The following DOCK4 variants were observed in gnomAD, a reference collection of about 807,000 sequenced individuals.
The protein encoded by DOCK4 is dedicator of cytokinesis protein 4.
DOCK4 carries 97 observed loss-of-function variants against 268.1 expected under a neutral mutation model. That is an observed-to-expected ratio of 0.36 (90% confidence interval 0.31 to 0.43). The LOEUF (loss-of-function observed/expected upper bound fraction) is 0.43, where lower values mean the gene tolerates loss of function less well. DOCK4 is among the 20% of genes least tolerant of loss of function. The pLI is 1.00. For missense variants in DOCK4, 2,145 were observed against 2,455.7 expected (o/e 0.87, Z 2.67); for synonymous variants, 954 against 887.2 (o/e 1.08, Z -1.34).
intron 37 of DOCK4, among the ~76,000 whole-genome samples, chr7:111,767,906 T>C (rs1406287680): frequency 1.3e-5 from 2 of 152,080 alleles, no homozygotes; most frequent in Non-Finnish European, 2.9e-5. Flanking sequence ...CTAGTATAGG[T>C]GTCAGCAAAC....
intron 1 of DOCK4, among the ~76,000 whole-genome samples, chr7:112,054,092 C>T (rs768716461): frequency 6.6e-6 from 1 of 152,052 alleles, no homozygotes; most frequent in Admixed American, 6.6e-5. Context: ...GAGGCCAAGG[C>T]GAGAGGATCA....
At chr7:112,001,420 T>C (rs1800412663) in intron 2 of DOCK4, among the ~76,000 whole-genome samples, 1 of 152,110 alleles carries the variant, frequency 6.6e-6, no homozygotes, top group South Asian at 2.1e-4. Flanking sequence ...TACCCACCCA[T>C]TAGTTATTTA....
At chr7:111,889,925 C>A (rs1039332259) in intron 16 of DOCK4, among the ~76,000 whole-genome samples, 1 of 152,216 alleles carries the variant, frequency 6.6e-6, no homozygotes, top group Non-Finnish European at 1.5e-5. Flanking sequence ...TTGAGTTGGG[C>A]ACTTCTGCCA....
At chr7:111,819,466 T>C (rs1801815704) in intron 27 of DOCK4, 1 of 152,138 alleles carries the variant, frequency 6.6e-6, no homozygotes, top group African/African-American at 2.4e-5. Context: ...AGAGAAGAAA[T>C]GCTTCTTGCC....
chr7:111,757,730 C>G (rs1797126596), intron 41 of DOCK4, among the ~76,000 whole-genome samples: 1 of 152,180 alleles, frequency 6.6e-6, no homozygotes, highest in African/African-American at 2.4e-5. Context: ...TGGGAACTGA[C>G]ACCGGCAGAG....
intron 15 of DOCK4, among the ~76,000 whole-genome samples, chr7:111,896,222 G>A (rs1808736147): frequency 2.0e-5 from 3 of 152,288 alleles, no homozygotes; most frequent in African/African-American, 7.2e-5. Context: ...CGTAAGGAAA[G>A]TAAGTCCTGT....
intron 1 of DOCK4, among the ~76,000 whole-genome samples, chr7:112,091,976 G>A (rs1381302288): frequency 6.6e-6 from 1 of 152,138 alleles, no homozygotes; most frequent in Non-Finnish European, 1.5e-5. Flanking sequence ...TACCAGGTGT[G>A]ATGCTCTCAC....
chr7:112,088,947 T>G (rs535137417), intron 1 of DOCK4, among the ~76,000 whole-genome samples: 1 of 152,268 alleles, frequency 6.6e-6, no homozygotes, highest in Admixed American at 6.5e-5. Flanking sequence ...AAGTGCTCAA[T>G]ACGTTGTCAA....
intron 1 of DOCK4, among the ~76,000 whole-genome samples, chr7:112,103,173 G>C (rs1335966339): frequency 5.3e-5 from 8 of 151,690 alleles, no homozygotes; most frequent in Non-Finnish European, 1.2e-4. Flanking sequence ...ATGAATCACT[G>C]TTTATCATTT....
intron 1 of DOCK4, among the ~76,000 whole-genome samples, chr7:112,060,913 T>A (rs183144250): frequency 6.6e-6 from 1 of 152,190 alleles, no homozygotes; most frequent in Non-Finnish European, 1.5e-5. Context: ...CACAACACTA[T>A]GAATGTACTT....
rs557236935 is a variant in DOCK4 at position 112,119,548 on chromosome 7, C to G, written c.37+86554G>C. Among the ~76,000 whole-genome samples, 14 of 152,246 alleles carry G rather than the reference C, an allele frequency of 9.2e-5. No homozygotes were observed. In the East Asian group the frequency reaches 2.7e-3, roughly 29 times the overall value. On this transcript the variant is annotated intron_variant, in intron 1 of 52. Coordinates refer to ENST00000428084, the MANE Select transcript of DOCK4 (RefSeq NM_001363540.2). Reference sequence around the variant, plus strand: ...GATTGAAATATAGGTTCTGTGGCAACATGTGTGCCAAATCCAAGCAACTGT... The same window carrying G: ...GATTGAAATATAGGTTCTGTGGCAAGATGTGTGCCAAATCCAAGCAACTGT...
intron 10 of DOCK4, among the ~76,000 whole-genome samples, chr7:111,942,767 G>T (rs904496546): frequency 6.6e-6 from 1 of 152,160 alleles, no homozygotes; most frequent in Non-Finnish European, 1.5e-5. Context: ...AGCTTAGACT[G>T]TGCGTCCAAC....
chr7:112,101,975 T>G (rs1268428715), intron 1 of DOCK4, among the ~76,000 whole-genome samples: 1 of 152,138 alleles, frequency 6.6e-6, no homozygotes, highest in East Asian at 1.9e-4. Flanking sequence ...CCGGAGTAGC[T>G]GGGACTACAG....
At chr7:112,125,266 A>G (rs1029602776) in intron 1 of DOCK4, among the ~76,000 whole-genome samples, 1 of 152,172 alleles carries the variant, frequency 6.6e-6, no homozygotes, top group African/African-American at 2.4e-5. Flanking sequence ...ATGATCCCAA[A>G]CCCTCTCTAT....
intron 16 of DOCK4, among the ~76,000 whole-genome samples, chr7:111,885,297 T>C (rs1218306428): frequency 1.3e-5 from 2 of 152,246 alleles, no homozygotes; most frequent in African/African-American, 4.8e-5. Flanking sequence ...GCTATACTCC[T>C]AACCTGGATG....
intron 1 of DOCK4, among the ~76,000 whole-genome samples, chr7:112,110,678 G>A (rs1201261535): frequency 6.6e-6 from 1 of 152,178 alleles, no homozygotes; most frequent in Non-Finnish European, 1.5e-5. Flanking sequence ...CCTCATCTCT[G>A]CCTGGAGTGA....
chr7:111,867,710 C>T (rs184025929), intron 22 of DOCK4, among the ~76,000 whole-genome samples: 10 of 152,234 alleles, frequency 6.6e-5, no homozygotes, highest in African/African-American at 1.2e-4. Flanking sequence ...CATGTCCAGT[C>T]GTCAGTATGT....
At chr7:111,769,173 C>T (rs956870892) in intron 37 of DOCK4, among the ~76,000 whole-genome samples, 2 of 152,132 alleles carry the variant, frequency 1.3e-5, no homozygotes, top group African/African-American at 2.4e-5. Context: ...AAAGCCGCCA[C>T]GAATGGACTA....
chr7:112,058,824 A>G (rs1337319502), intron 1 of DOCK4, among the ~76,000 whole-genome samples: 1 of 152,196 alleles, frequency 6.6e-6, no homozygotes, highest in East Asian at 1.9e-4. Flanking sequence ...CTCTCTTCCC[A>G]TATCTCTAGG....
Sources: gnomAD v4.1 joint callset for allele counts (sites outside exome capture counted in the v4.1 genomes callset) on GRCh38, gnomAD v4.1.1 for gene constraint, MANE v1.5 for transcripts, NCBI Gene and HGNC (gene_info 2026-07-23, HGNC 2026-07-21) for gene names.